CDH18: variants seen among roughly 807,000 people sequenced by gnomAD.
The protein encoded by CDH18 is cadherin 18, also known as cadherin-18.
In CDH18, 31 loss-of-function variants were observed where a neutral mutation model predicts 67.9. That is an observed-to-expected ratio of 0.46 (90% CI 0.34 to 0.62). The LOEUF (loss-of-function observed/expected upper bound fraction) is 0.62. Ranked by LOEUF, CDH18 falls within the 20% of genes least tolerant of loss-of-function variation. The probability of loss-of-function intolerance (pLI) is 0.01; values close to 1 mark genes in which losing one functional copy is unlikely to be tolerated. For missense variants in CDH18, 890 were observed against 975.5 expected (o/e 0.91, Z 1.17); for synonymous variants, 362 against 347.2 (o/e 1.04, Z -0.48).
At chr5:19,764,140 C>T (rs924722335) in intron 3 of CDH18, among the ~76,000 whole-genome samples, 2 of 148,600 alleles carry the variant, frequency 1.3e-5, no homozygotes, top group African/African-American at 5.0e-5. Context: ...CTGTACTCTG[C>T]ACTCCAGCCT....
intron 1 of CDH18, among the ~76,000 whole-genome samples, chr5:20,433,231 AAT>A (rs149634704): frequency 1.1e-4 from 17 of 149,398 alleles, no homozygotes; most frequent in Admixed American, 2.7e-4. Flanking sequence ...GTTAAGGTAA[AAT>A]ATATATATAT....
intron 3 of CDH18, among the ~76,000 whole-genome samples, chr5:19,775,789 A>AT (rs755969112): frequency 2.6e-5 from 4 of 152,196 alleles, no homozygotes; most frequent in Non-Finnish European, 4.4e-5. Context: ...AATACTACAC[A>AT]TGAAAATTAA....
intron 5 of CDH18, among the ~76,000 whole-genome samples, chr5:19,639,252 T>G (rs141570050): frequency 6.6e-6 from 1 of 152,206 alleles, no homozygotes; most frequent in Non-Finnish European, 1.5e-5. Flanking sequence ...TCTGCCTGCC[T>G]CGGCCTCCCA....
intron 1 of CDH18, among the ~76,000 whole-genome samples, chr5:20,314,455 A>G (rs1737279442): frequency 6.6e-6 from 1 of 152,094 alleles, no homozygotes; most frequent in South Asian, 2.1e-4. Context: ...ACCTTAAGAG[A>G]GGAATTGCTG....
chr5:19,770,233 A>T (rs1446035354), intron 3 of CDH18, among the ~76,000 whole-genome samples: 2 of 152,130 alleles, frequency 1.3e-5, no homozygotes, highest in Non-Finnish European at 2.9e-5. Flanking sequence ...TTAATATAAC[A>T]AGGGACTTTT....
At chr5:19,494,066 G>C (rs748283405) in intron 11 of CDH18, among the ~76,000 whole-genome samples, 4 of 152,096 alleles carry the variant, frequency 2.6e-5, no homozygotes, top group African/African-American at 4.8e-5. Context: ...TTACAAATGA[G>C]TATTTTGACA....
At chr5:20,082,715 C>A (rs1744587485) in intron 2 of CDH18, among the ~76,000 whole-genome samples, 1 of 152,072 alleles carries the variant, frequency 6.6e-6, no homozygotes, top group Non-Finnish European at 1.5e-5. Flanking sequence ...TATTGTTGGA[C>A]CTAAACCAAT....
At chr5:19,720,890 A>G (rs1390662823) in intron 5 of CDH18, among the ~76,000 whole-genome samples, 1 of 152,202 alleles carries the variant, frequency 6.6e-6, no homozygotes, top group Non-Finnish European at 1.5e-5. Flanking sequence ...ACAATTTTAT[A>G]TATATGTGTG....
At chr5:19,971,848 T>TAA (rs751140217) in intron 2 of CDH18, among the ~76,000 whole-genome samples, 16 of 108,066 alleles carry the variant, frequency 1.5e-4, no homozygotes, top group African/African-American at 5.1e-4. Context: ...ACTTAAACGT[T>TAA]AAAAAAAAAA....
intron 11 of CDH18, among the ~76,000 whole-genome samples, chr5:19,500,631 A>G (rs1257471407): frequency 6.6e-6 from 1 of 152,210 alleles, no homozygotes; most frequent in African/African-American, 2.4e-5. Flanking sequence ...AATTTTAAAC[A>G]TCTTTAGCAC....
intron 5 of CDH18, among the ~76,000 whole-genome samples, chr5:19,613,693 T>A (rs551418326): frequency 6.6e-6 from 1 of 152,296 alleles, no homozygotes; most frequent in African/African-American, 2.4e-5. Flanking sequence ...GCTCTGTTAA[T>A]AGAGTCTTAC....
intron 1 of CDH18, among the ~76,000 whole-genome samples, chr5:20,333,505 CA>C (rs376922406): frequency 2.2e-4 from 26 of 116,218 alleles, no homozygotes; most frequent in East Asian, 1.3e-3. Context: ...GACTCCATCT[CA>C]AAAAAAAAAA....
At chr5:20,102,658 T>G (rs974616963) in intron 2 of CDH18, among the ~76,000 whole-genome samples, 2 of 152,168 alleles carry the variant, frequency 1.3e-5, no homozygotes, top group African/African-American at 4.8e-5. Flanking sequence ...TTAATTGCAC[T>G]GACCTTTGAC....
intron 1 of CDH18, among the ~76,000 whole-genome samples, chr5:20,435,191 T>G (rs1180529244): frequency 2.6e-5 from 4 of 152,006 alleles, no homozygotes; most frequent in Non-Finnish European, 5.9e-5. Context: ...GTTTTGCCTC[T>G]TAAATGTCAT....
intron 1 of CDH18, among the ~76,000 whole-genome samples, chr5:20,312,472 G>T (rs1225262256): frequency 1.3e-5 from 2 of 152,044 alleles, no homozygotes; most frequent in Non-Finnish European, 2.9e-5. Context: ...CACTTATTAG[G>T]TTCTCGGCAT....
intron 5 of CDH18, among the ~76,000 whole-genome samples, chr5:19,633,093 T>C (rs1328986242): frequency 1.3e-5 from 2 of 152,208 alleles, no homozygotes; most frequent in Non-Finnish European, 2.9e-5. Context: ...AGAAAATGTT[T>C]GAAAATTCCT....
intron 2 of CDH18, among the ~76,000 whole-genome samples, chr5:20,199,806 T>C (rs935234040): frequency 1.3e-5 from 2 of 152,168 alleles, no homozygotes; most frequent in Non-Finnish European, 2.9e-5. Flanking sequence ...TCCCATGCTG[T>C]TCTTGTGAAA....
chr5:20,030,709 A>G (rs73053525), intron 2 of CDH18, among the ~76,000 whole-genome samples: 2,605 of 152,290 alleles, frequency 0.017, 78 homozygotes, highest in African/African-American at 0.06. Context: ...GCTGAAGATA[A>G]TTATTCACAT....
chr5:20,395,354 A>G (rs1227001828), intron 1 of CDH18, among the ~76,000 whole-genome samples: 1 of 152,104 alleles, frequency 6.6e-6, no homozygotes, highest in African/African-American at 2.4e-5. Context: ...AAAACCAAAT[A>G]CCACGTGTTC....
Sources: allele counts gnomAD v4.1 joint callset (sites outside exome capture counted in the v4.1 genomes callset), GRCh38; gene constraint gnomAD v4.1.1; transcripts MANE v1.5; gene names NCBI Gene and HGNC (gene_info 2026-07-23, HGNC 2026-07-21).